USP43: variants seen among roughly 807,000 people sequenced by gnomAD.
USP43 encodes the protein ubiquitin carboxyl-terminal hydrolase 43.
A neutral mutation model predicts 90.7 loss-of-function variants in USP43; 33 were observed. The observed-to-expected ratio is 0.36, with a 90% CI of 0.28 to 0.49. The LOEUF is 0.49. USP43 is among the 20% of genes least tolerant of loss of function. USP43 has a pLI of 0.98. For missense variants in USP43, 1,274 were observed against 1,476.4 expected (o/e 0.86, Z 2.25); for synonymous variants, 598 against 615.8 (o/e 0.97, Z 0.43).
In USP43 at chr17:9,656,522, G is replaced by A. The variant is rs769685535; in HGVS notation, c.624G>A (p.Pro208=). The A allele has an allele frequency of 3.2e-5, 52 of 1,610,646 alleles. No homozygotes were observed. The highest frequency in any genetic ancestry group is 8.9e-5 in the East Asian group (4 of 44,818). Residue 208 remains proline, a synonymous_variant, in exon 2 of 15, where the codon CCG becomes CCA. Coordinates refer to ENST00000285199, the MANE Select transcript of USP43 (RefSeq NM_153210.5). ...ACCTGGAGGGTTCATCCCGAGGGCCGGTGTCGGAGAAGGTCGGTCACTCTC... is the reference window on the plus strand; with the variant it reads ...ACCTGGAGGGTTCATCCCGAGGGCCAGTGTCGGAGAAGGTCGGTCACTCTC... ...HEDLEGSSRG[P]VSEKLPPEAT... is the part of the protein sequence containing the mutation.
chr17:9,687,556 C>T (rs1014349449), intron 8 of USP43, among the ~76,000 whole-genome samples: 5 of 152,036 alleles, frequency 3.3e-5, no homozygotes, highest in African/African-American at 9.7e-5. Context: ...TTGTTTTTAG[C>T]TCCTATAATA....
intron 14 of USP43, among the ~76,000 whole-genome samples, chr17:9,715,741 G>C (rs111067490): frequency 0.049 from 5,342 of 108,654 alleles, 324 homozygotes; most frequent in African/African-American, 0.23. Context: ...GTGTGTGTGT[G>C]TCTCTGTAGG....
At position 9,728,092 on chromosome 17, in the gene USP43, C is replaced by T; in HGVS notation, c.2474C>T (p.Pro825Leu). The change falls in exon 15 of 15, where the codon CCA becomes CTA. Residue 825 changes from proline (P) to leucine (L), a missense_variant. Coordinates refer to ENST00000285199, the MANE Select transcript of USP43 (RefSeq NM_153210.5). This position sits in a 1 kb window ranked among gnomAD's most constrained non-coding sequence, Gnocchi z 6.2. ...TGGTCCTTTGGATCCAAGGAGAAAC[C>T]ACCAGGTGCCTCCGTCGAGTTGGTG... ...LRWSFGSKEK[P>L]PGASVELVEY... is the part of the protein sequence containing the mutation. The T allele has an allele frequency of 6.2e-7, 1 of 1,613,950 alleles. No homozygotes were observed. Among genetic ancestry groups the T allele is most frequent in the Non-Finnish European group, 8.5e-7 (1 of 1,179,888 alleles).
In USP43 at chr17:9,686,619, C is replaced by T. The variant is rs1019576878; in HGVS notation, c.1242-179C>T. Among the ~76,000 whole-genome samples, 1 of 152,084 alleles carries T rather than the reference C, an allele frequency of 6.6e-6. No homozygotes were observed. The highest frequency in any genetic ancestry group is 2.4e-5 in the African/African-American group (1 of 41,394). On this transcript the variant is annotated intron_variant, in intron 7 of 14. Coordinates refer to ENST00000285199, the MANE Select transcript of USP43 (RefSeq NM_153210.5). The surrounding 1 kb of genome is among the most constrained non-coding windows in gnomAD (Gnocchi z 5.5). ...TGTGTCATTTTGAGAAATGTCTATT[C>T]AGACCCTTTGCCCATTTTTAAATGG...
At chr17:9,661,100 A>G (rs1038412762) in intron 2 of USP43, among the ~76,000 whole-genome samples, 3 of 152,236 alleles carry the variant, frequency 2.0e-5, no homozygotes, top group African/African-American at 7.2e-5. Context: ...AATAAAAACC[A>G]TAAGGGCCGC....
chr17:9,725,027 TA>T, intron 14 of USP43, among the ~76,000 whole-genome samples: 1 of 151,798 alleles, frequency 6.6e-6, no homozygotes, highest in South Asian at 2.1e-4. Flanking sequence ...TGGCCAAAAA[TA>T]AAAAAGTCAT....
At chr17:9,687,165 T>A (rs1443972366) in intron 8 of USP43, among the ~76,000 whole-genome samples, 1 of 152,256 alleles carries the variant, frequency 6.6e-6, no homozygotes, top group Non-Finnish European at 1.5e-5. Context: ...TTATTAAATC[T>A]TTCAAAACAC....
chr17:9,676,206 C>T (rs1320242170), intron 4 of USP43, among the ~76,000 whole-genome samples: 1 of 152,150 alleles, frequency 6.6e-6, no homozygotes, highest in Non-Finnish European at 1.5e-5. Context: ...TGAGATCGGA[C>T]ATCTCTATGG....
At chr17:9,680,878 TA>T (rs1176339509) in intron 6 of USP43, among the ~76,000 whole-genome samples, 1 of 151,068 alleles carries the variant, frequency 6.6e-6, no homozygotes, top group Non-Finnish European at 1.5e-5. Flanking sequence ...TTCCACTTCT[TA>T]ATGCTTGCTT....
intron 9 of USP43, among the ~76,000 whole-genome samples, chr17:9,698,432 G>A (rs1476254974): frequency 6.6e-6 from 1 of 152,176 alleles, no homozygotes; most frequent in African/African-American, 2.4e-5. Flanking sequence ...AGAGCATCCT[G>A]GGGTGTGTGT....
At chr17:9,717,083 C>T (rs951727225) in intron 14 of USP43, among the ~76,000 whole-genome samples, 11 of 150,198 alleles carry the variant, frequency 7.3e-5, no homozygotes, top group African/African-American at 2.7e-4. Flanking sequence ...CACTTGAACC[C>T]AGGAGGTGGA....
At position 9,645,807 on chromosome 17, in the gene USP43, G is replaced by A; in HGVS notation, c.175G>A (p.Gly59Arg). The A allele has an allele frequency of 7.2e-7, 1 of 1,388,916 alleles. No homozygotes were observed. The highest frequency in any genetic ancestry group is 9.3e-7 in the Non-Finnish European group (1 of 1,078,706). 86.0% of individuals were successfully genotyped at this position (1,388,916 alleles called of 1,614,324 possible). ...QPGHCDGDGE[G>R]GFACAPGPVP... ...GGGACACTGTGATGGCGACGGTGAG[G>A]GGGGCTTCGCCTGCGCCCCGGGCCC... The change falls in exon 1 of 15, where the codon GGG (glycine) becomes AGG (arginine). Residue 59 changes from glycine (G) to arginine (R), a missense_variant. Physicochemically the swap from Gly to Arg is moderately radical, Grantham distance 125. Around this residue, in one of 6 missense-constraint regions of USP43, gnomAD observed 112 missense variants for 106.6 expected, o/e 1.05. Coordinates refer to ENST00000285199, the MANE Select transcript of USP43 (RefSeq NM_153210.5). The surrounding 1 kb of genome is among the most constrained non-coding windows in gnomAD (Gnocchi z 6.8).
intron 1 of USP43, chr17:9,647,061 C>CAAAAAAAAA (rs11305216): frequency 3.8e-3 from 299 of 79,148 alleles, no homozygotes; most frequent in East Asian, 0.011. Flanking sequence ...TTGCTTCCTG[C>CAAAAAAAAA]AAAAAAAAAA....
At chr17:9,723,697 C>T (rs975973183) in intron 14 of USP43, among the ~76,000 whole-genome samples, 1 of 151,400 alleles carries the variant, frequency 6.6e-6, no homozygotes, top group Non-Finnish European at 1.5e-5. Flanking sequence ...GATTTTCCTG[C>T]CTCAGCCTCA....
rs1356283333 is a variant in USP43 at position 9,728,513 on chromosome 17, C to T, written c.2895C>T (p.Ser965=). ...AGAGCTTCCAGATGGGAAGCAAAAG[C>T]AGCCCACCCTCCCCCTATATGGGAT... ...WKESFQMGSK[S]SPPSPYMGFS... is the part of the protein sequence containing the mutation. Residue 965 remains serine (S), a synonymous_variant, in exon 15 of 15, where the codon AGC becomes AGT. Coordinates refer to ENST00000285199, the MANE Select transcript of USP43 (RefSeq NM_153210.5). This position sits in a 1 kb window ranked among gnomAD's most constrained non-coding sequence, Gnocchi z 6.2. The T allele has an allele frequency of 5.6e-6, 9 of 1,613,906 alleles. No individual in the cohort carries two copies. The highest frequency in any genetic ancestry group is 6.8e-6 in the Non-Finnish European group (8 of 1,179,862).
At chr17:9,662,430 T>G (rs116342539) in intron 2 of USP43, among the ~76,000 whole-genome samples, 327 of 152,340 alleles carry the variant, frequency 2.1e-3, no homozygotes, top group African/African-American at 7.7e-3. Context: ...CTTTTGACTT[T>G]ACCTCTCTGT....
intron 1 of USP43, among the ~76,000 whole-genome samples, chr17:9,649,176 G>C (rs1256150889): frequency 6.6e-6 from 1 of 151,928 alleles, no homozygotes; most frequent in African/African-American, 2.4e-5. Context: ...GCGTGGTGGC[G>C]TGTGCCTGTA....
At chr17:9,698,780 T>C (rs533836708) in intron 9 of USP43, among the ~76,000 whole-genome samples, 1 of 152,354 alleles carries the variant, frequency 6.6e-6, no homozygotes, top group Admixed American at 6.5e-5. Context: ...AGTTGAAAAG[T>C]AGACTGTGGA....
chr17:9,711,200 A>G lies in USP43; in HGVS notation c.2171-768A>G, dbSNP rs1233843536. 2.6e-5 allele frequency among the ~76,000 whole-genome samples: 4 copies of G among 152,202 alleles called. No individual in the cohort carries two copies. The East Asian group carries it at 7.7e-4, about 29-fold the overall frequency. The stretch of plus-strand genomic sequence containing the variant: ...GATTTGGTTTCCCTAAACTTGGGAT[A>G]AACTCCTGTAACATGGCTTATTACC... On this transcript the variant is annotated intron_variant, in intron 13 of 14. Coordinates refer to ENST00000285199, the MANE Select transcript of USP43 (RefSeq NM_153210.5).
Sources: allele counts gnomAD v4.1 joint callset (sites outside exome capture counted in the v4.1 genomes callset), GRCh38; gene constraint gnomAD v4.1.1; regional missense constraint gnomAD v4.1.1; non-coding constraint Gnocchi (gnomAD v3.1); transcripts MANE v1.5; gene names NCBI Gene and HGNC (gene_info 2026-07-23, HGNC 2026-07-21).